USP49: variants seen among roughly 807,000 people sequenced by gnomAD.
USP49 encodes ubiquitin specific peptidase 49.
In USP49, 24 loss-of-function variants were observed where a neutral mutation model predicts 58.6. The observed-to-expected ratio is 0.41, with a 90% CI of 0.30 to 0.58. USP49 has a LOEUF of 0.58. Among genes scored for constraint, USP49 ranks in the 20% least tolerant of loss-of-function variants. The pLI is 0.30. For missense variants in USP49, 703 were observed against 866.1 expected, an observed-to-expected ratio of 0.81 and a Z score of 2.36; for synonymous variants, 408 against 365.1, an observed-to-expected ratio of 1.12 and a Z score of -1.34.
At chr6:41,823,610 A>G (rs1773487404) in intron 3 of USP49, among the ~76,000 whole-genome samples, 1 of 152,126 alleles carries the variant, frequency 6.6e-6, no homozygotes, top group South Asian at 2.1e-4. Context: ...ATCATTTGAC[A>G]TTTCTTATCA....
Position 41,806,360 on chromosome 6 carries a change from AC to A in USP49, c.623del (p.Ser208MetfsTer57). The A allele has an allele frequency of 6.5e-7, 1 of 1,530,072 alleles. No individual in the cohort carries two copies. Among genetic ancestry groups the A allele is most frequent in the Non-Finnish European group, 8.7e-7 (1 of 1,149,650 alleles). 94.8% of individuals were successfully genotyped at this position (1,530,072 alleles called of 1,614,324 possible). A position where few individuals can be genotyped will look rare whatever the true frequency, so the allele number is the denominator to read the frequency against. On this transcript the variant is annotated frameshift_variant, in exon 4 of 8. Transcript: ENST00000682992. LOFTEE classifies it high-confidence loss of function. This position sits in a 1 kb window ranked among gnomAD's most constrained non-coding sequence, Gnocchi z 5.9. The part of the protein sequence containing the change: ...EELASTPPRK[S>X]ARLLLHTPRD... ...GGGGCGTGTGCAGGAGCAGCCGTGC[AC>A]TCTTGCGCGGAGGGGTGCTGGCCAG...
chr6:41,791,350 A>G lies in USP49; in HGVS notation c.*5183T>C, dbSNP rs547802845. ...GGTCTTGAGCTCCTGGCCTCAAGCA[A>G]TCCTCCCACCTTGGCCTCCCAAAGT... On this transcript the variant is annotated 3_prime_UTR_variant, in exon 8 of 8. Transcript: ENST00000682992. The G allele has an allele frequency of 1.3e-5, 2 of 152,350 alleles. No homozygotes were observed. The highest frequency in any genetic ancestry group is 3.9e-4 in the East Asian group (2 of 5,192). The allele number at this position is 152,350 out of a possible 1,614,324, so 9.4% of individuals were successfully genotyped here. A position where few individuals can be genotyped will look rare whatever the true frequency, so the allele number is the denominator to read the frequency against.
intron 3 of USP49, among the ~76,000 whole-genome samples, chr6:41,854,737 T>C (rs1774095736): frequency 6.6e-6 from 1 of 152,152 alleles, no homozygotes; most frequent in Non-Finnish European, 1.5e-5. Flanking sequence ...TGAGAAACAA[T>C]GTTTTAGATC....
At chr6:41,802,480 T>TA (rs1773036801) in intron 5 of USP49, among the ~76,000 whole-genome samples, 1 of 45,264 alleles carries the variant, frequency 2.2e-5, no homozygotes, top group Non-Finnish European at 4.0e-5. Context: ...TTTTTATTTA[T>TA]TTTTTTTTTT....
chr6:41,865,920 T>A (rs1443067868), intron 3 of USP49, among the ~76,000 whole-genome samples: 19 of 122,590 alleles, frequency 1.5e-4, no homozygotes, highest in African/African-American at 5.9e-4. Context: ...TGGTGCCTTT[T>A]TTTTTTTTTT....
chr6:41,818,404 C>G (rs1211814573), intron 3 of USP49, among the ~76,000 whole-genome samples: 1 of 152,202 alleles, frequency 6.6e-6, no homozygotes. Flanking sequence ...CCTCGACTCT[C>G]TGCAGAGAAG....
intron 2 of USP49, chr6:41,886,489 T>C (rs1774713632): frequency 6.6e-6 from 1 of 152,218 alleles, no homozygotes; most frequent in Admixed American, 6.5e-5. Context: ...TCAAGGAGAA[T>C]CTAATTAGCT....
intron 3 of USP49, among the ~76,000 whole-genome samples, chr6:41,825,927 T>C (rs1013502404): frequency 6.6e-6 from 1 of 152,190 alleles, no homozygotes; most frequent in African/African-American, 2.4e-5. Flanking sequence ...ATATGTATCA[T>C]CACTATACCT....
At chr6:41,873,677 C>T (rs1279950378) in intron 2 of USP49, among the ~76,000 whole-genome samples, 1 of 152,124 alleles carries the variant, frequency 6.6e-6, no homozygotes, top group Admixed American at 6.5e-5. Flanking sequence ...TGGGATGCTC[C>T]CCAAAAGCTG....
intron 3 of USP49, among the ~76,000 whole-genome samples, chr6:41,862,199 C>T (rs1025418072): frequency 2.0e-5 from 3 of 152,156 alleles, no homozygotes; most frequent in African/African-American, 7.2e-5. Context: ...AAATGAATTG[C>T]TGTGTCAAGG....
intron 2 of USP49, among the ~76,000 whole-genome samples, chr6:41,874,840 C>T (rs1294354871): frequency 1.3e-5 from 2 of 152,140 alleles, no homozygotes; most frequent in African/African-American, 4.8e-5. Context: ...AATCTGTAGT[C>T]CCAGCTACTT....
chr6:41,895,018 C>T (rs1774872406), intron 1 of USP49, among the ~76,000 whole-genome samples: 1 of 148,938 alleles, frequency 6.7e-6, no homozygotes, highest in Admixed American at 6.7e-5. Context: ...TCCCGGCTCT[C>T]GCCTCCCGCC....
rs1459939507 is a variant in USP49, at chr6:41,806,549, G to A, written c.435C>T (p.Tyr145=). ...GQPQMLTALW[Y]RRQRLLARTL... Reference sequence around the variant, plus strand: ...TCCTGGCCAGCAGGCGCTGACGCCGGTACCACAGAGCCGTGAGCATCTGCG... The same window carrying A: ...TCCTGGCCAGCAGGCGCTGACGCCGATACCACAGAGCCGTGAGCATCTGCG... Residue 145 remains tyrosine (Y), a synonymous_variant, in exon 4 of 8, where the codon TAC becomes TAT. Transcript: ENST00000682992. The surrounding 1 kb of genome is among the most constrained non-coding windows in gnomAD (Gnocchi z 5.9). The A allele has an allele frequency of 1.2e-6, 2 of 1,601,544 alleles. No homozygotes were observed. Among genetic ancestry groups the A allele is most frequent in the Non-Finnish European group, 1.7e-6 (2 of 1,179,150 alleles).
chr6:41,796,348 C>A lies in USP49; in HGVS notation c.*185G>T. 1 of 528,448 alleles carries A rather than the reference C, an allele frequency of 1.9e-6. No individual in the cohort carries two copies. The highest frequency in any genetic ancestry group is 3.4e-6 in the Non-Finnish European group (1 of 295,784). 32.7% of individuals were successfully genotyped at this position (528,448 alleles called of 1,614,324 possible). On this transcript the variant is annotated 3_prime_UTR_variant, in exon 8 of 8. Transcript: ENST00000682992. ...TTGTTTTTAGGAAAGGAGGGAACTCCCAAACTCATTCAAAAGAAAGAGACT... is the reference window on the plus strand; with the variant it reads ...TTGTTTTTAGGAAAGGAGGGAACTCACAAACTCATTCAAAAGAAAGAGACT...
intron 3 of USP49, among the ~76,000 whole-genome samples, chr6:41,867,970 A>G (rs986886622): frequency 2.0e-5 from 3 of 152,230 alleles, no homozygotes; most frequent in Non-Finnish European, 4.4e-5. Context: ...TCACACAGGC[A>G]AACAAAATCA....
intron 3 of USP49, among the ~76,000 whole-genome samples, chr6:41,865,915 C>CAT (rs1561922312): frequency 1.0e-5 from 1 of 96,208 alleles, no homozygotes; most frequent in South Asian, 4.2e-4. Flanking sequence ...AAGCATGGTG[C>CAT]CTTTTTTTTT....
rs1399108061 is a variant in USP49, at chr6:41,791,057, T to TA, written c.*5475dup. ...TTTATAGGAATGAAACTTAGATCCTTAAAGGCTGCTACCTGATATACTCAT... is the reference window on the plus strand; with the variant it reads ...TTTATAGGAATGAAACTTAGATCCTTAAAAGGCTGCTACCTGATATACTCAT... On this transcript the variant is annotated 3_prime_UTR_variant, in exon 8 of 8. Transcript: ENST00000682992. The TA allele has an allele frequency of 1.3e-5, 2 of 152,202 alleles. No homozygotes were observed. The highest frequency in any genetic ancestry group is 6.5e-5 in the Admixed American group (1 of 15,268). The allele number at this position is 152,202 out of a possible 1,614,324, so 9.4% of individuals were successfully genotyped here.
chr6:41,799,764 A>G, intron 6 of USP49, 66 bp downstream of exon 6: 1 of 1,431,850 alleles, frequency 7.0e-7, no homozygotes, highest in Middle Eastern at 1.8e-4. Context: ...ATTTGCCCTC[A>G]CCAAAGCCTT....
intron 3 of USP49, among the ~76,000 whole-genome samples, chr6:41,808,940 G>C (rs1465118036): frequency 6.6e-6 from 1 of 151,786 alleles, no homozygotes; most frequent in Non-Finnish European, 1.5e-5. Flanking sequence ...TTTTGAGAGA[G>C]GGTCTCTCTG....
Sources: gnomAD v4.1 joint callset for allele counts (sites outside exome capture counted in the v4.1 genomes callset) on GRCh38, gnomAD v4.1.1 for gene constraint, Gnocchi (gnomAD v3.1) non-coding constraint, MANE v1.5 for transcripts, NCBI Gene and HGNC (gene_info 2026-07-23, HGNC 2026-07-21) for gene names.